Variants in LRRC4C observed in about 807,000 individuals in gnomAD.
LRRC4C encodes the protein leucine rich repeat containing 4C.
LRRC4C carries 5 observed loss-of-function variants against 33.6 expected under a neutral mutation model. The ratio of observed to expected loss-of-function variants is 0.15; its 90% confidence interval spans 0.08 to 0.31. LRRC4C has a LOEUF of 0.31. Ranked by LOEUF, LRRC4C falls within the 10% of genes least tolerant of loss-of-function variation. The pLI is 1.00. For synonymous variants in LRRC4C, 329 were observed against 302.0 expected (o/e 1.09, Z -0.93); for missense variants, 560 against 796.7 (o/e 0.70, Z 3.58).
intron 1 of LRRC4C, among the ~76,000 whole-genome samples, chr11:41,391,459 GA>G (rs943592740): frequency 6.6e-6 from 1 of 151,614 alleles, no homozygotes. Context: ...GGGAATACAG[GA>G]AAAAAAATGA....
At chr11:41,341,388 A>C (rs1183304027) in intron 1 of LRRC4C, among the ~76,000 whole-genome samples, 1 of 152,204 alleles carries the variant, frequency 6.6e-6, no homozygotes, top group Non-Finnish European at 1.5e-5. Flanking sequence ...TGCCGGTTGC[A>C]TATTGTCTCA....
intron 2 of LRRC4C, among the ~76,000 whole-genome samples, chr11:40,801,627 C>A (rs1227991919): frequency 6.6e-6 from 1 of 152,070 alleles, no homozygotes; most frequent in Non-Finnish European, 1.5e-5. Flanking sequence ...CTTGTTAATA[C>A]CATCTATGTT....
chr11:40,460,043 G>A (rs1018205539), intron 3 of LRRC4C, among the ~76,000 whole-genome samples: 5 of 152,128 alleles, frequency 3.3e-5, no homozygotes, highest in Admixed American at 1.3e-4. Context: ...AGAACAGAAA[G>A]CAGCAAGACA....
chr11:41,098,202 A>T (rs1940939987), intron 1 of LRRC4C, among the ~76,000 whole-genome samples: 1 of 152,158 alleles, frequency 6.6e-6, no homozygotes, highest in South Asian at 2.1e-4. Flanking sequence ...GAAGATAGGC[A>T]TATGATTATG....
chr11:40,648,744 T>C (rs1942613527), intron 2 of LRRC4C, among the ~76,000 whole-genome samples: 3 of 152,222 alleles, frequency 2.0e-5, no homozygotes, highest in African/African-American at 7.2e-5. Flanking sequence ...CAGATGCTTT[T>C]GTTAGCCTCA....
chr11:41,220,759 G>A (rs1590973229), intron 1 of LRRC4C, among the ~76,000 whole-genome samples: 1 of 152,078 alleles, frequency 6.6e-6, no homozygotes, highest in Admixed American at 6.5e-5. Flanking sequence ...AAATTGAGAT[G>A]ATTTAATGGG....
intron 3 of LRRC4C, among the ~76,000 whole-genome samples, chr11:40,519,032 T>C (rs1267555447): frequency 6.6e-6 from 1 of 151,160 alleles, no homozygotes; most frequent in East Asian, 1.9e-4. Context: ...TAAGTGGGAG[T>C]TGAACAATGA....
At chr11:40,381,229 G>GAA (rs149263163) in intron 3 of LRRC4C, among the ~76,000 whole-genome samples, 7 of 132,134 alleles carry the variant, frequency 5.3e-5, no homozygotes, top group Admixed American at 1.5e-4. Flanking sequence ...ACTTTAAAAT[G>GAA]AAAAAAAAAA....
intron 3 of LRRC4C, among the ~76,000 whole-genome samples, chr11:40,527,287 A>G (rs538044853): frequency 3.9e-4 from 59 of 152,314 alleles, no homozygotes; most frequent in African/African-American, 1.4e-3. Context: ...CGTGCTTATT[A>G]AAAATTAAAG....
intron 2 of LRRC4C, among the ~76,000 whole-genome samples, chr11:40,736,341 G>T (rs201313626): frequency 2.0e-5 from 3 of 151,956 alleles, no homozygotes; most frequent in Non-Finnish European, 4.4e-5. Flanking sequence ...AAGGACATGA[G>T]CTCATCCTTT....
intron 3 of LRRC4C, among the ~76,000 whole-genome samples, chr11:40,430,042 A>T (rs965321136): frequency 1.3e-5 from 2 of 152,182 alleles, no homozygotes; most frequent in African/African-American, 4.8e-5. Flanking sequence ...AAGACCAAAC[A>T]AAGCTTGCTA....
At chr11:40,268,071 T>G (rs920327430) in intron 4 of LRRC4C, among the ~76,000 whole-genome samples, 3 of 152,144 alleles carry the variant, frequency 2.0e-5, no homozygotes, top group African/African-American at 7.2e-5. Flanking sequence ...CCGAGTTAGG[T>G]AAAGACCCTG....
chr11:40,578,059 C>T (rs1404786974), intron 3 of LRRC4C, among the ~76,000 whole-genome samples: 4 of 148,678 alleles, frequency 2.7e-5, no homozygotes, highest in Non-Finnish European at 4.4e-5. Context: ...TGGTCTCAAT[C>T]TCCTGACCTT....
At chr11:40,926,560 T>C (rs1164362457) in intron 2 of LRRC4C, among the ~76,000 whole-genome samples, 1 of 152,204 alleles carries the variant, frequency 6.6e-6, no homozygotes, top group African/African-American at 2.4e-5. Flanking sequence ...TTCCTGTTAC[T>C]CTAATATTTT....
In LRRC4C at chr11:40,619,012, A is replaced by G. The variant is rs147140775; in HGVS notation, c.-270+29130T>C. Among the ~76,000 whole-genome samples the G allele has an allele frequency of 2.1e-4, 32 of 151,868 alleles. No homozygotes were observed. The East Asian group carries it at 3.1e-3, about 15-fold the overall frequency. ...CTATTAGATCACTGCACTCTTTCCAATTAAGACTTTAGAGAAATAAACCAG... is the reference window on the plus strand; with the variant it reads ...CTATTAGATCACTGCACTCTTTCCAGTTAAGACTTTAGAGAAATAAACCAG... On this transcript the variant is annotated intron_variant, in intron 3 of 6. Transcript: ENST00000528697.
At chr11:40,130,340 C>T (rs1282455683) in intron 6 of LRRC4C, among the ~76,000 whole-genome samples, 2 of 152,036 alleles carry the variant, frequency 1.3e-5, no homozygotes, top group Non-Finnish European at 2.9e-5. Context: ...ACTGTTGCTT[C>T]TTTTTTTCTT....
At chr11:41,014,926 C>G (rs568371998) in intron 1 of LRRC4C, among the ~76,000 whole-genome samples, 8 of 152,270 alleles carry the variant, frequency 5.3e-5, no homozygotes, top group African/African-American at 1.7e-4. Flanking sequence ...GGCCAACATT[C>G]AATTACCATT....
chr11:40,860,372 AGTCTG>A (rs1468176150), intron 2 of LRRC4C, among the ~76,000 whole-genome samples: 1 of 151,500 alleles, frequency 6.6e-6, no homozygotes, highest in African/African-American at 2.4e-5. Flanking sequence ...GAAGGTAAGA[AGTCTG>A]AAATTAAGAT....
chr11:40,688,703 G>A (rs7104029), intron 2 of LRRC4C, among the ~76,000 whole-genome samples: 66,086 of 151,938 alleles, frequency 0.43, 15,433 homozygotes, highest in East Asian at 0.58. Flanking sequence ...TACAAGAAAT[G>A]ACACGAAAGA....
Sources: gnomAD v4.1 joint callset for allele counts (sites outside exome capture counted in the v4.1 genomes callset) on GRCh38, gnomAD v4.1.1 for gene constraint, MANE v1.5 for transcripts, NCBI Gene and HGNC (gene_info 2026-07-23, HGNC 2026-07-21) for gene names.